Variants in ZDHHC20 observed in about 807,000 individuals in gnomAD.
ZDHHC20 encodes zDHHC palmitoyltransferase 20, also known as palmitoyltransferase ZDHHC20.
In ZDHHC20, 43 loss-of-function variants were observed where a neutral mutation model predicts 57.8. The observed-to-expected ratio is 0.74, with a 90% CI of 0.58 to 0.96. The LOEUF is 0.96. Ranked by LOEUF, ZDHHC20 falls within the 40% of genes least tolerant of loss-of-function variation. The probability of loss-of-function intolerance (pLI) is 0.00; values close to 1 mark genes in which losing one functional copy is unlikely to be tolerated. For missense variants in ZDHHC20, 391 were observed against 441.1 expected (o/e 0.89, Z 1.02); for synonymous variants, 157 against 153.0 (o/e 1.03, Z -0.19).
chr13:21,436,840 T>C (rs962279813), intron 1 of ZDHHC20, among the ~76,000 whole-genome samples: 2 of 152,194 alleles, frequency 1.3e-5, no homozygotes, highest in African/African-American at 4.8e-5. Flanking sequence ...GGATAAACGC[T>C]AGGCCTCTTG....
intron 12 of ZDHHC20, 187 bp from the exon 13 acceptor site, chr13:21,376,842 T>C: frequency 2.7e-6 from 1 of 371,610 alleles, no homozygotes. Context: ...TATTACTGTC[T>C]TCCCCAGAAG....
Position 21,374,218 on chromosome 13 carries a change from G to C in ZDHHC20, c.*2478C>G, listed in dbSNP as rs1430124893. On this transcript the variant is annotated 3_prime_UTR_variant, in exon 13 of 13. Coordinates refer to ENST00000400590, the MANE Select transcript of ZDHHC20 (RefSeq NM_001330059.2). ...CCAAACTGGAGTTATGTTTTTAGTT[G>C]GTAATTGATATATATATATATTTTT... 1 of 189,490 alleles carries C rather than the reference G, an allele frequency of 5.3e-6. No homozygotes were observed. The highest frequency in any genetic ancestry group is 1.2e-5 in the Non-Finnish European group (1 of 86,708). The allele number at this position is 189,490 out of a possible 1,614,324, so 11.7% of individuals were successfully genotyped here.
At chr13:21,418,840 A>AT (rs532012782) in intron 3 of ZDHHC20, among the ~76,000 whole-genome samples, 1 of 151,930 alleles carries the variant, frequency 6.6e-6, no homozygotes, top group Non-Finnish European at 1.5e-5. Context: ...TGCCCAGCTA[A>AT]TTTTTTTTAT....
Position 21,451,769 on chromosome 13 carries a change from C to T in ZDHHC20, c.118+7285G>A, listed in dbSNP as rs554265478. Among the ~76,000 whole-genome samples, 18 of 152,188 alleles carry T rather than the reference C, an allele frequency of 1.2e-4. No homozygotes were observed. The South Asian group carries it at 2.5e-3, about 21-fold the overall frequency. On this transcript the variant is annotated intron_variant, in intron 1 of 12. Coordinates refer to ENST00000400590, the MANE Select transcript of ZDHHC20 (RefSeq NM_001330059.2). ...CTTTGGGAGGCTGAGGCAGGTGGAT[C>T]ACCTGAGGTCAGGAGTTCAAGACTA...
chr13:21,394,395 T>C (rs921259428), intron 7 of ZDHHC20, among the ~76,000 whole-genome samples: 1 of 152,182 alleles, frequency 6.6e-6, no homozygotes, highest in Non-Finnish European at 1.5e-5. Flanking sequence ...TGCCCTATCA[T>C]GCCACCGCCC....
chr13:21,405,909 G>A (rs1309210270), intron 4 of ZDHHC20, among the ~76,000 whole-genome samples: 1 of 152,180 alleles, frequency 6.6e-6, no homozygotes, highest in African/African-American at 2.4e-5. Flanking sequence ...TGCACCAGCA[G>A]GATCTGAACT....
intron 1 of ZDHHC20, among the ~76,000 whole-genome samples, chr13:21,447,919 C>T (rs1373463685): frequency 6.2e-5 from 7 of 112,616 alleles, no homozygotes; most frequent in Admixed American, 8.6e-5. Context: ...ATGTGGGGAG[C>T]GCCTCTGCCC....
At chr13:21,395,492 TTTTC>T (rs1822370177) in intron 7 of ZDHHC20, among the ~76,000 whole-genome samples, 2 of 135,318 alleles carry the variant, frequency 1.5e-5, no homozygotes, top group Non-Finnish European at 3.3e-5. Context: ...TCTTCTTTTC[TTTTC>T]TTTTTTTTTT....
chr13:21,452,035 TA>T (rs1427632032), intron 1 of ZDHHC20, among the ~76,000 whole-genome samples: 1 of 152,184 alleles, frequency 6.6e-6, no homozygotes, highest in Non-Finnish European at 1.5e-5. Context: ...TGATTCCATT[TA>T]TTTTTTTCCC....
intron 1 of ZDHHC20, among the ~76,000 whole-genome samples, chr13:21,435,173 C>T (rs533593710): frequency 6.6e-6 from 1 of 152,142 alleles, no homozygotes; most frequent in South Asian, 2.1e-4. Flanking sequence ...AGTATCTTTT[C>T]TTATGCTTAT....
chr13:21,418,093 T>G (rs913144876), intron 3 of ZDHHC20, among the ~76,000 whole-genome samples: 6 of 152,364 alleles, frequency 3.9e-5, no homozygotes, highest in Admixed American at 3.9e-4. Context: ...ATCCACTATG[T>G]GCCAGATAGT....
intron 1 of ZDHHC20, among the ~76,000 whole-genome samples, chr13:21,451,942 C>T (rs947706783): frequency 4.6e-5 from 7 of 150,818 alleles, no homozygotes; most frequent in South Asian, 4.2e-4. Context: ...TGCAATGAGC[C>T]GAGATCACAC....
intron 5 of ZDHHC20, 78 bp from the exon 6 acceptor site, chr13:21,401,763 T>C: frequency 3.0e-6 from 4 of 1,322,512 alleles, no homozygotes; most frequent in Non-Finnish European, 4.0e-6. Flanking sequence ...TTCTTTTATT[T>C]GACTTAAAAT....
At chr13:21,415,151 T>C (rs1879793042) in intron 3 of ZDHHC20, among the ~76,000 whole-genome samples, 1 of 152,140 alleles carries the variant, frequency 6.6e-6, no homozygotes, top group African/African-American at 2.4e-5. Context: ...TAGCTTGGCA[T>C]AGTAGAGAGA....
chr13:21,391,634 G>T, intron 8 of ZDHHC20, 88 bp downstream of exon 8: 3 of 1,381,756 alleles, frequency 2.2e-6, no homozygotes, highest in Non-Finnish European at 2.0e-6. Flanking sequence ...TTACACTTCT[G>T]TATCATCTGA....
chr13:21,433,427 C>T (rs1051482138), intron 1 of ZDHHC20, among the ~76,000 whole-genome samples: 1 of 152,110 alleles, frequency 6.6e-6, no homozygotes, highest in Non-Finnish European at 1.5e-5. Flanking sequence ...ACCATCCTGG[C>T]TAACACAGTA....
rs1871744707 is a variant in ZDHHC20, at chr13:21,374,547, T to G, written c.*2149A>C. On this transcript the variant is annotated 3_prime_UTR_variant, in exon 13 of 13. Coordinates refer to ENST00000400590, the MANE Select transcript of ZDHHC20 (RefSeq NM_001330059.2). ...ACCACACCCAGCAATAATTGGTATC[T>G]CTTAAATCTCATTCTAGTTTGCTAG... The G allele has an allele frequency of 8.5e-6, 3 of 354,190 alleles. No homozygotes were observed. Among genetic ancestry groups the G allele is most frequent in the Non-Finnish European group, 1.7e-5 (3 of 171,836 alleles). 21.9% of individuals were successfully genotyped at this position (354,190 alleles called of 1,614,324 possible). A position where few individuals can be genotyped will look rare whatever the true frequency, so the allele number is the denominator to read the frequency against.
chr13:21,433,172 G>A (rs1882170676), intron 1 of ZDHHC20, among the ~76,000 whole-genome samples: 1 of 151,958 alleles, frequency 6.6e-6, no homozygotes, highest in African/African-American at 2.4e-5. Context: ...TATTGCCCAG[G>A]CTTGTCTCAA....
intron 4 of ZDHHC20, among the ~76,000 whole-genome samples, chr13:21,412,814 C>T (rs1879393302): frequency 6.6e-6 from 1 of 151,580 alleles, no homozygotes; most frequent in South Asian, 2.1e-4. Flanking sequence ...ACTAAAAATA[C>T]AAAAATTAGC....
Sources: gnomAD v4.1 joint callset for allele counts (sites outside exome capture counted in the v4.1 genomes callset) on GRCh38, gnomAD v4.1.1 for gene constraint, MANE v1.5 for transcripts, NCBI Gene and HGNC (gene_info 2026-07-23, HGNC 2026-07-21) for gene names.